The following NBAS variants were observed in gnomAD, a reference collection of about 807,000 sequenced individuals.
NBAS encodes the protein NAG/BC035112 fusion.
In NBAS, 219 loss-of-function variants were observed where a neutral mutation model predicts 302.5. The ratio of observed to expected loss-of-function variants is 0.72; its 90% CI spans 0.65 to 0.81. The LOEUF (loss-of-function observed/expected upper bound fraction) is 0.81, where lower values mean the gene tolerates loss of function less well. Among genes scored for constraint, NBAS ranks in the 30% least tolerant of loss-of-function variants. The pLI, the probability that NBAS is intolerant of heterozygous loss-of-function variation, is 0.00. For synonymous variants in NBAS, 1,118 were observed against 1,021.6 expected, an observed-to-expected ratio of 1.09 and a Z score of -1.80; for missense variants, 2,932 against 2,841.6, an observed-to-expected ratio of 1.03 and a Z score of -0.72.
intron 38 of NBAS, among the ~76,000 whole-genome samples, chr2:15,311,172 T>C (rs1043085659): frequency 6.6e-6 from 1 of 152,222 alleles, no homozygotes; most frequent in African/African-American, 2.4e-5. Context: ...GACATTAATA[T>C]ATCTGCTGCA....
chr2:14,885,158 T>C, the NBAS span, among the ~76,000 whole-genome samples: 1 of 152,190 alleles, frequency 6.6e-6, no homozygotes, highest in African/African-American at 2.4e-5. Context: ...TACTACTATG[T>C]AGAGAATGGA....
intron 29 of NBAS, among the ~76,000 whole-genome samples, chr2:15,380,819 T>A (rs1041366305): frequency 6.6e-6 from 1 of 152,184 alleles, no homozygotes; most frequent in South Asian, 2.1e-4. Context: ...TAACATTTAA[T>A]GGAGAAGCAA....
intron 6 of NBAS, among the ~76,000 whole-genome samples, chr2:15,547,854 G>T (rs1664187649): frequency 6.6e-6 from 1 of 152,124 alleles, no homozygotes; most frequent in Non-Finnish European, 1.5e-5. Context: ...ACTACAGAAG[G>T]TATATTCAAA....
intron 21 of NBAS, among the ~76,000 whole-genome samples, chr2:15,448,062 G>A (rs1424442117): frequency 6.6e-6 from 1 of 152,096 alleles, no homozygotes; most frequent in Non-Finnish European, 1.5e-5. Context: ...ATCCCATCAT[G>A]GGAACTTGGC....
chr2:15,269,831 T>C (rs1669236210), intron 44 of NBAS, among the ~76,000 whole-genome samples: 1 of 152,232 alleles, frequency 6.6e-6, no homozygotes, highest in South Asian at 2.1e-4. Context: ...TATTTCACAC[T>C]GCAACTAGTC....
At chr2:15,466,845 G>A (rs986037363) in intron 19 of NBAS, among the ~76,000 whole-genome samples, 1 of 151,690 alleles carries the variant, frequency 6.6e-6, no homozygotes, top group Non-Finnish European at 1.5e-5. Flanking sequence ...GCTAAGGGAT[G>A]AGAATCGCCT....
rs774185242 is a variant in NBAS at position 15,474,094 on chromosome 2, C to G, written c.1572G>C (p.Thr524=). Reference sequence around the variant, plus strand: ...TCCTCTGATAAAGTTCCTCTGGTGTCGTGGAGCGCAAACTCACAAGGCGGT... The same window carrying G: ...TCCTCTGATAAAGTTCCTCTGGTGTGGTGGAGCGCAAACTCACAAGGCGGT... ...KNYRLVSLRS[T]TPEELYQRKI... Residue 524 remains threonine (T), a synonymous_variant, in exon 15 of 52, where the codon ACG becomes ACC. Transcript: ENST00000281513. 3.7e-6 allele frequency: 6 copies of G among 1,614,132 alleles called. No individual in the cohort carries two copies. Among genetic ancestry groups the G allele is most frequent in the Non-Finnish European group, 5.1e-6 (6 of 1,180,026 alleles).
chr2:15,383,210 G>A lies in NBAS; in HGVS notation c.3360+5C>T. ...AAAAAAAATCGTATATGGTTCTAGAGTTACCTCATAGCAGGCATCAGAATC... is the reference window on the plus strand; with the variant it reads ...AAAAAAAATCGTATATGGTTCTAGAATTACCTCATAGCAGGCATCAGAATC... On this transcript the variant is annotated splice_donor_5th_base_variant and intron_variant, in intron 29 of 51. Transcript: ENST00000281513. 2 of 1,610,130 alleles carry A rather than the reference G, an allele frequency of 1.2e-6. No individual in the cohort carries two copies. Among genetic ancestry groups the A allele is most frequent in the Non-Finnish European group, 1.7e-6 (2 of 1,176,592 alleles).
the NBAS span, among the ~76,000 whole-genome samples, chr2:15,017,277 A>G: frequency 1.3e-5 from 2 of 152,278 alleles, no homozygotes; most frequent in South Asian, 4.1e-4. Context: ...TATGAATAAA[A>G]TCTCAAAAGC....
At chr2:14,961,231 G>A in the NBAS span, among the ~76,000 whole-genome samples, 1 of 152,060 alleles carries the variant, frequency 6.6e-6, no homozygotes, top group Admixed American at 6.6e-5. Flanking sequence ...AGGTGGGAAG[G>A]GAAAAACAAA....
the NBAS span, among the ~76,000 whole-genome samples, chr2:14,840,703 A>G: frequency 6.6e-6 from 1 of 151,552 alleles, no homozygotes; most frequent in Non-Finnish European, 1.5e-5. Context: ...AACGTAAATG[A>G]GAGAAAAAAT....
chr2:15,531,154 G>A (rs966053367), intron 9 of NBAS, among the ~76,000 whole-genome samples: 6 of 152,144 alleles, frequency 3.9e-5, no homozygotes, highest in Non-Finnish European at 7.3e-5. Flanking sequence ...TATTTCCCAT[G>A]TACTGTTTCT....
At chr2:14,903,640 A>G in the NBAS span, among the ~76,000 whole-genome samples, 1 of 152,258 alleles carries the variant, frequency 6.6e-6, no homozygotes, top group Non-Finnish European at 1.5e-5. Context: ...GCTTCTCACT[A>G]GAACTGAAAC....
In NBAS at chr2:15,326,630, T is replaced by C. The variant is rs982386820; in HGVS notation, c.4582+1120A>G. On this transcript the variant is annotated intron_variant, in intron 38 of 51. Transcript: ENST00000281513. Reference sequence around the variant, plus strand: ...CATATATATTCAATTTCAACTGTAATTGTAATATGTATGGTACATATGTAA... The same window carrying C: ...CATATATATTCAATTTCAACTGTAACTGTAATATGTATGGTACATATGTAA... 3.9e-5 allele frequency among the ~76,000 whole-genome samples: 6 copies of C among 152,150 alleles called. No homozygotes were observed. In the East Asian group the frequency reaches 5.8e-4, roughly 15 times the overall value.
the NBAS span, among the ~76,000 whole-genome samples, chr2:14,921,065 G>T: frequency 1.3e-5 from 2 of 151,990 alleles, no homozygotes; most frequent in African/African-American, 4.8e-5. Context: ...TCTACCTTTT[G>T]ATTTAAAGTG....
At chr2:14,885,129 T>C in the NBAS span, among the ~76,000 whole-genome samples, 1 of 152,348 alleles carries the variant, frequency 6.6e-6, no homozygotes, top group Non-Finnish European at 1.5e-5. Flanking sequence ...TTCTGATTTA[T>C]GTAGGTAGAT....
At chr2:15,497,332 T>C (rs950910957) in intron 11 of NBAS, among the ~76,000 whole-genome samples, 3 of 152,212 alleles carry the variant, frequency 2.0e-5, no homozygotes, top group African/African-American at 7.2e-5. Context: ...TATCTGCTAA[T>C]GTAGGAGAGA....
chr2:15,536,321 TAGAC>T (rs962238170), intron 8 of NBAS, 93 bp downstream of exon 8: 75 of 1,431,848 alleles, frequency 5.2e-5, no homozygotes, highest in Admixed American at 1.1e-4. Flanking sequence ...TTTTTCATAA[TAGAC>T]AGAAAGCAAA....
the NBAS span, among the ~76,000 whole-genome samples, chr2:15,079,698 G>A: frequency 2.0e-5 from 3 of 152,124 alleles, no homozygotes. Flanking sequence ...GTTCTTGGAA[G>A]ATGTCCCCTT....
Sources: gnomAD v4.1 joint callset for allele counts (sites outside exome capture counted in the v4.1 genomes callset) on GRCh38, gnomAD v4.1.1 for gene constraint, MANE v1.5 for transcripts, NCBI Gene and HGNC (gene_info 2026-07-23, HGNC 2026-07-21) for gene names.